SCRN1: variants seen among roughly 807,000 people sequenced by gnomAD.
SCRN1 encodes secernin-1.
A neutral mutation model predicts 43.3 loss-of-function variants in SCRN1; 19 were observed. That is an observed-to-expected ratio of 0.44 (90% CI 0.31 to 0.64). The LOEUF is 0.64. Ranked by LOEUF, SCRN1 falls within the 30% of genes least tolerant of loss-of-function variation. The pLI is 0.09. For synonymous variants in SCRN1, 183 were observed against 188.9 expected (o/e 0.97, Z 0.26); for missense variants, 447 against 524.1 (o/e 0.85, Z 1.44).
At chr7:29,984,722 A>G (rs1345177238) in intron 1 of SCRN1, among the ~76,000 whole-genome samples, 1 of 150,950 alleles carries the variant, frequency 6.6e-6, no homozygotes, top group Non-Finnish European at 1.5e-5. Flanking sequence ...GGAGCTCGAG[A>G]CCAGCCTGGC....
chr7:29,966,204 A>AGAGAGAGAGAGAGG (rs1554360370), intron 2 of SCRN1, among the ~76,000 whole-genome samples: 5 of 145,594 alleles, frequency 3.4e-5, no homozygotes, highest in South Asian at 2.2e-4. Context: ...AGAGAGAGAG[A>AGAGAGAGAGAGAGG]AGCTGTATCC....
chr7:29,985,964 G>A (rs983201954), intron 1 of SCRN1, among the ~76,000 whole-genome samples: 20 of 152,372 alleles, frequency 1.3e-4, no homozygotes, highest in African/African-American at 4.3e-4. Context: ...GCTGGGCGAG[G>A]TGGCTCATGC....
intron 7 of SCRN1, among the ~76,000 whole-genome samples, chr7:29,925,605 C>T (rs1467073451): frequency 1.3e-5 from 2 of 152,122 alleles, no homozygotes; most frequent in South Asian, 2.1e-4. Flanking sequence ...TGCTGTGGAA[C>T]GTGCTTTGGG....
At chr7:29,969,168 A>G (rs1029000929) in intron 1 of SCRN1, 100 bp from the exon 2 acceptor site, 3 of 1,402,582 alleles carry the variant, frequency 2.1e-6, no homozygotes, top group Admixed American at 4.1e-5. Flanking sequence ...GGGTTTTACT[A>G]TTGAACTGTG....
rs1787882606 is a variant in SCRN1 at position 29,950,443 on chromosome 7, T to C, written c.341+4736A>G. Among the ~76,000 whole-genome samples, 1 of 152,200 alleles carries C rather than the reference T, an allele frequency of 6.6e-6. No homozygotes were observed. The highest frequency in any genetic ancestry group is 1.5e-5 in the Non-Finnish European group (1 of 68,026). ...CTGGACATCATGGATGGCACGTTGA[T>C]GGCAGGAGGCAGACAGTTTCCTGGG... On this transcript the variant is annotated intron_variant, in intron 3 of 7. Transcript: ENST00000242059. This position sits in a 1 kb window ranked among gnomAD's most constrained non-coding sequence, Gnocchi z 4.5.
Position 29,955,390 on chromosome 7 carries a change from CA to C in SCRN1, c.160-31del. The C allele has an allele frequency of 1.9e-6, 3 of 1,604,122 alleles. No individual in the cohort carries two copies. The South Asian group carries it at 3.3e-5, about 18-fold the overall frequency. On this transcript the variant is annotated intron_variant, in intron 2 of 7. Coordinates refer to ENST00000242059, the MANE Select transcript of SCRN1 (RefSeq NM_014766.5). Reference sequence around the variant, plus strand: ...AAAACAAACACAGGAAAGAAAGCGCCATCACCTGTCAGGTACCACCTCATTT... The same window carrying C: ...AAAACAAACACAGGAAAGAAAGCGCCTCACCTGTCAGGTACCACCTCATTT...
At chr7:29,943,903 A>G (rs1787640184) in intron 4 of SCRN1, 74 bp downstream of exon 4, 2 of 1,383,358 alleles carry the variant, frequency 1.4e-6, no homozygotes, top group Middle Eastern at 4.3e-4. Context: ...CAGGTCTGAC[A>G]CTGTACGTGC....
intron 6 of SCRN1, among the ~76,000 whole-genome samples, chr7:29,931,773 A>G (rs1787162548): frequency 6.6e-6 from 1 of 152,168 alleles, no homozygotes; most frequent in Non-Finnish European, 1.5e-5. Flanking sequence ...AGAAAGAACA[A>G]TACATAAATC....
At position 29,924,127 on chromosome 7, in the gene SCRN1, C is replaced by G. The variant is rs148215806; in HGVS notation, c.1087-12G>C. ...TTGCGACCTTGCTCCTGAGGAAGGA[C>G]ACGACTGCTTTAGGTGTCAGCAAAA... is the stretch of plus-strand genomic sequence containing the variant. On this transcript the variant is annotated splice_polypyrimidine_tract_variant and intron_variant, in intron 7 of 7. Transcript: ENST00000242059. 319 of 1,607,214 alleles carry G rather than the reference C, an allele frequency of 2.0e-4. No individual in the cohort carries two copies. In the African/African-American group the frequency reaches 3.6e-3, roughly 18 times the overall value.
rs1003763550 is a variant in SCRN1, at chr7:29,941,028, T to C, written c.545-152A>G. ...TTTTGAAGAGAGAAACAGACAATCA[T>C]TGAGTCTCTTTCTAGGAGACCTCCT... is the stretch of plus-strand genomic sequence containing the variant. On this transcript the variant is annotated intron_variant, in intron 4 of 7. Coordinates refer to ENST00000242059, the MANE Select transcript of SCRN1 (RefSeq NM_014766.5). 8 of 636,270 alleles carry C rather than the reference T, an allele frequency of 1.3e-5. No homozygotes were observed. In the Admixed American group the frequency reaches 1.7e-4, roughly 13 times the overall value. The allele number at this position is 636,270 out of a possible 1,614,324, so 39.4% of individuals were successfully genotyped here.
intron 6 of SCRN1, among the ~76,000 whole-genome samples, chr7:29,929,195 C>G (rs1372796315): frequency 6.6e-6 from 1 of 152,202 alleles, no homozygotes; most frequent in South Asian, 2.1e-4. Context: ...GGGCTCCCAC[C>G]CAGCAGCCCA....
intron 3 of SCRN1, among the ~76,000 whole-genome samples, chr7:29,954,605 G>A (rs920821145): frequency 1.3e-5 from 2 of 152,110 alleles, no homozygotes; most frequent in African/African-American, 2.4e-5. Context: ...CACAATATGT[G>A]ACCTTTTGTG....
intron 3 of SCRN1, among the ~76,000 whole-genome samples, chr7:29,952,347 A>G (rs1787968018): frequency 6.6e-6 from 1 of 152,230 alleles, no homozygotes; most frequent in Admixed American, 6.5e-5. Flanking sequence ...TGTAGTATCA[A>G]TATCATCTGG....
At chr7:29,926,746 G>T (rs370044593) in intron 6 of SCRN1, 114 bp from the exon 7 acceptor site, 4 of 746,964 alleles carry the variant, frequency 5.4e-6, no homozygotes, top group Non-Finnish European at 8.2e-6. Context: ...TGGGTGGTGG[G>T]TGTGGGTGAC....
rs55733700 is a variant in SCRN1 at position 29,984,204 on chromosome 7, C to CA, written c.-2+5437dup. On this transcript the variant is annotated intron_variant, in intron 1 of 7. Coordinates refer to ENST00000242059, the MANE Select transcript of SCRN1 (RefSeq NM_014766.5). ...CTGGGCGACAGAGTGAGACAGTCTC[C>CA]AAAAAAAAAAAAAAAAAAAAAGAAA... Among the ~76,000 whole-genome samples, 691 of 98,152 alleles carry CA rather than the reference C, an allele frequency of 7.0e-3. 2 individuals carry two copies. Among genetic ancestry groups the CA allele is most frequent in the African/African-American group, 0.017 (447 of 26,744 alleles). 64.4% of individuals were successfully genotyped at this position (98,152 alleles called of 152,430 possible).
At chr7:29,963,504 T>C (rs536841185) in intron 2 of SCRN1, among the ~76,000 whole-genome samples, 4 of 152,324 alleles carry the variant, frequency 2.6e-5, no homozygotes, top group South Asian at 4.1e-4. Flanking sequence ...AGCAGTTCAG[T>C]GTAGCTGGGG....
At chr7:29,955,629 G>A (rs896697575) in intron 2 of SCRN1, among the ~76,000 whole-genome samples, 3 of 152,154 alleles carry the variant, frequency 2.0e-5, no homozygotes, top group African/African-American at 7.2e-5. Context: ...TCATCATCCT[G>A]AACATCCTAA....
At chr7:29,956,687 C>T (rs1490297480) in intron 2 of SCRN1, among the ~76,000 whole-genome samples, 2 of 152,168 alleles carry the variant, frequency 1.3e-5, no homozygotes, top group African/African-American at 4.8e-5. Flanking sequence ...TGTTGCTCTG[C>T]ACTGGGATAA....
intron 1 of SCRN1, among the ~76,000 whole-genome samples, chr7:29,979,549 C>G (rs531251765): frequency 6.6e-6 from 1 of 151,876 alleles, no homozygotes; most frequent in Admixed American, 6.5e-5. Context: ...TCTCATTACG[C>G]CGTGCCCATT....
Sources: allele counts gnomAD v4.1 joint callset (sites outside exome capture counted in the v4.1 genomes callset), GRCh38; gene constraint gnomAD v4.1.1; non-coding constraint Gnocchi (gnomAD v3.1); transcripts MANE v1.5; gene names NCBI Gene and HGNC (gene_info 2026-07-23, HGNC 2026-07-21).